Variants in PLA1A observed in about 807,000 individuals in gnomAD.
PLA1A encodes the protein phosphatidylserine-specific phospholipase A1alpha.
Under a neutral mutation model 49.4 loss-of-function variants are expected in PLA1A, and 47 were observed. That is an observed-to-expected ratio of 0.95 (90% CI 0.75 to 1.21). The LOEUF (loss-of-function observed/expected upper bound fraction) is 1.21, where lower values mean the gene tolerates loss of function less well. Ranked by LOEUF, PLA1A falls within the 50% of genes most tolerant of loss-of-function variation. The pLI is 0.00. For missense variants in PLA1A, 561 were observed against 563.9 expected (o/e 0.99, Z 0.05); for synonymous variants, 224 against 207.9 (o/e 1.08, Z -0.67).
intron 6 of PLA1A, among the ~76,000 whole-genome samples, chr3:119,617,038 C>T (rs186849683): frequency 1.3e-4 from 20 of 152,318 alleles, no homozygotes; most frequent in African/African-American, 2.2e-4. Context: ...GTCTCAGCAA[C>T]GAGGTCTCAA....
chr3:119,612,843 G>T (rs1214649278), intron 4 of PLA1A, among the ~76,000 whole-genome samples, 174 bp from the exon 5 acceptor site: 1 of 152,174 alleles, frequency 6.6e-6, no homozygotes, highest in African/African-American at 2.4e-5. Context: ...CCTCTAGAGA[G>T]ACAACAGAGA....
intron 1 of PLA1A, among the ~76,000 whole-genome samples, chr3:119,599,558 A>C (rs1224182832): frequency 6.6e-6 from 1 of 152,226 alleles, no homozygotes; most frequent in East Asian, 1.9e-4. Context: ...TTGGAAGCTC[A>C]TCTGTCGGTA....
At chr3:119,619,434 A>G (rs1259198089) in intron 7 of PLA1A, 129 bp from the exon 8 acceptor site, 6 of 709,722 alleles carry the variant, frequency 8.5e-6, no homozygotes, top group Non-Finnish European at 1.6e-5. Flanking sequence ...AATACAGCAC[A>G]TAGTGCGTGT....
At chr3:119,625,693 G>A (rs2052518840) in intron 9 of PLA1A, among the ~76,000 whole-genome samples, 2 of 152,226 alleles carry the variant, frequency 1.3e-5, no homozygotes, top group Non-Finnish European at 2.9e-5. Context: ...CACAGGGTCA[G>A]TCAGCAACGG....
In PLA1A at chr3:119,625,313, T is replaced by C. The variant is rs186583175; in HGVS notation, c.1121+81T>C. ...ATTTTACACACATGGACATCCCAGG[T>C]CAGGGACTGTGTGATTGCTGATGCA... On this transcript the variant is annotated intron_variant, in intron 9 of 10. Transcript: ENST00000273371. The C allele has an allele frequency of 1.9e-3, 1,719 of 890,174 alleles. 3 individuals carry two copies. The highest frequency in any genetic ancestry group is 2.4e-3 in the Non-Finnish European group (1,332 of 548,906). 55.1% of individuals were successfully genotyped at this position (890,174 alleles called of 1,614,324 possible).
chr3:119,610,074 T>G (rs1464573255), intron 4 of PLA1A, among the ~76,000 whole-genome samples: 1 of 152,172 alleles, frequency 6.6e-6, no homozygotes, highest in Non-Finnish European at 1.5e-5. Context: ...AAACATGCGG[T>G]ATTTGGTTTT....
At chr3:119,600,404 G>A (rs749202113) in intron 1 of PLA1A, 1 of 702,916 alleles carries the variant, frequency 1.4e-6, no homozygotes, top group Non-Finnish European at 2.6e-6. Flanking sequence ...CTCCATCTGG[G>A]GTAGGTGGTC....
At chr3:119,605,752 C>T (rs572967145) in intron 1 of PLA1A, among the ~76,000 whole-genome samples, 3 of 152,166 alleles carry the variant, frequency 2.0e-5, no homozygotes, top group Non-Finnish European at 4.4e-5. Flanking sequence ...TGAAAATGGG[C>T]CAGATTTTCA....
intron 10 of PLA1A, among the ~76,000 whole-genome samples, 187 bp downstream of exon 10, chr3:119,629,052 T>G (rs1209083463): frequency 6.6e-5 from 10 of 152,264 alleles, no homozygotes; most frequent in Non-Finnish European, 7.3e-5. Flanking sequence ...GAAATTCCAC[T>G]GTATTTGTTC....
chr3:119,629,032 T>G (rs2052587402), intron 10 of PLA1A, among the ~76,000 whole-genome samples, 167 bp downstream of exon 10: 2 of 152,206 alleles, frequency 1.3e-5, no homozygotes, highest in Admixed American at 6.5e-5. Context: ...TGGGACCATC[T>G]TGGGTTGGGG....
intron 6 of PLA1A, among the ~76,000 whole-genome samples, chr3:119,617,575 T>C (rs548457233): frequency 6.6e-6 from 1 of 151,940 alleles, no homozygotes; most frequent in African/African-American, 2.4e-5. Context: ...AAACCCTGTT[T>C]CTATGAAAAA....
chr3:119,624,353 A>C (rs1421415927), intron 8 of PLA1A, among the ~76,000 whole-genome samples: 2 of 152,088 alleles, frequency 1.3e-5, no homozygotes, highest in African/African-American at 2.4e-5. Flanking sequence ...TTCATGACTT[A>C]ATCCCTTCCC....
At chr3:119,610,133 T>C (rs1199429055) in intron 4 of PLA1A, among the ~76,000 whole-genome samples, 1 of 152,262 alleles carries the variant, frequency 6.6e-6, no homozygotes, top group Non-Finnish European at 1.5e-5. Flanking sequence ...GCTACATTCA[T>C]GTTGCTGCAG....
At chr3:119,608,374 A>G (rs371323266) in intron 2 of PLA1A, among the ~76,000 whole-genome samples, 1 of 152,234 alleles carries the variant, frequency 6.6e-6, no homozygotes, top group Non-Finnish European at 1.5e-5. Flanking sequence ...TCTAGGGCAT[A>G]ACTCTAGGGC....
At chr3:119,610,277 A>C (rs1284454809) in intron 4 of PLA1A, among the ~76,000 whole-genome samples, 1 of 152,200 alleles carries the variant, frequency 6.6e-6, no homozygotes, top group Non-Finnish European at 1.5e-5. Flanking sequence ...ATAGTGTTGC[A>C]ATGAATATAC....
intron 8 of PLA1A, among the ~76,000 whole-genome samples, chr3:119,622,747 A>G: frequency 6.6e-6 from 1 of 151,046 alleles, no homozygotes; most frequent in Admixed American, 6.6e-5. Flanking sequence ...AAGTGATTGC[A>G]AAATGCCACC....
intron 1 of PLA1A, among the ~76,000 whole-genome samples, chr3:119,604,141 T>C (rs1213672178): frequency 6.6e-6 from 1 of 152,250 alleles, no homozygotes; most frequent in African/African-American, 2.4e-5. Context: ...AGGGTGTTTT[T>C]CTGTTGGTAG....
At chr3:119,600,044 T>A (rs2082596659) in intron 1 of PLA1A, among the ~76,000 whole-genome samples, 1 of 152,004 alleles carries the variant, frequency 6.6e-6, no homozygotes, top group South Asian at 2.1e-4. Context: ...TGTAATTGAC[T>A]TCAGACAGCC....
At chr3:119,603,117 A>G (rs1385270921) in intron 1 of PLA1A, among the ~76,000 whole-genome samples, 4 of 152,188 alleles carry the variant, frequency 2.6e-5, no homozygotes, top group Admixed American at 6.5e-5. Flanking sequence ...TCAGGTTTCA[A>G]TCTGAGAGAA....
Sources: allele counts gnomAD v4.1 joint callset (sites outside exome capture counted in the v4.1 genomes callset), GRCh38; gene constraint gnomAD v4.1.1; transcripts MANE v1.5; gene names NCBI Gene and HGNC (gene_info 2026-07-23, HGNC 2026-07-21).